Variants in ARHGAP32 observed in about 807,000 individuals in gnomAD.
The protein encoded by ARHGAP32 is rho GTPase-activating protein 32.
ARHGAP32 carries 51 observed loss-of-function variants against 186.5 expected under a neutral mutation model. That is an observed-to-expected ratio of 0.27 (90% CI 0.22 to 0.35). The LOEUF (loss-of-function observed/expected upper bound fraction) is 0.35, where lower values mean the gene tolerates loss of function less well. Ranked by LOEUF, ARHGAP32 falls within the 10% of genes least tolerant of loss-of-function variation. The probability of loss-of-function intolerance (pLI) is 1.00; values close to 1 mark genes in which losing one functional copy is unlikely to be tolerated. For missense variants in ARHGAP32, 2,186 were observed against 2,623.5 expected (o/e 0.83, Z 3.64); for synonymous variants, 950 against 964.3 (o/e 0.99, Z 0.27).
At chr11:129,090,647 C>T (rs777953380) in intron 6 of ARHGAP32, among the ~76,000 whole-genome samples, 11 of 152,104 alleles carry the variant, frequency 7.2e-5, no homozygotes, top group South Asian at 6.2e-4. Flanking sequence ...TAGAAAAAAA[C>T]GCCCACCACA....
chr11:128,970,044 T>C lies in ARHGAP32; in HGVS notation c.5169A>G (p.Pro1723=), dbSNP rs1160288009. 3 of 1,614,162 alleles carry C rather than the reference T, an allele frequency of 1.9e-6. No homozygotes were observed. The highest frequency in any genetic ancestry group is 2.5e-6 in the Non-Finnish European group (3 of 1,180,042). The change falls in exon 23 of 23, where the codon CCA becomes CCG. Residue 1723 remains proline, a synonymous_variant. Transcript: ENST00000682385. The surrounding 1 kb of genome is among the most constrained non-coding windows in gnomAD (Gnocchi z 5.8). ...AGCCAGTCACGTTGGCCCGGGGACG[T>C]GGAGCCAAACCAGCATAACTGTACA... The part of the protein sequence containing the change: ...KSLYSYAGLA[P]RPRANVTGYF...
In ARHGAP32 at chr11:128,975,622, CAG is replaced by C. The variant is rs752473916; in HGVS notation, c.2195-622_2195-621del. On this transcript the variant is annotated intron_variant, in intron 20 of 22. Transcript: ENST00000682385. ...TTTCCCAAGCAGTCTTCAAGAGTGG[CAG>C]AGAGTATTACATAATTTTACGATGT... is the stretch of plus-strand genomic sequence containing the variant. Among the ~76,000 whole-genome samples the C allele has an allele frequency of 1.2e-4, 18 of 152,108 alleles. No homozygotes were observed. The East Asian group carries it at 1.7e-3, about 15-fold the overall frequency.
chr11:129,209,188 T>G lies in ARHGAP32; in HGVS notation c.-4-44761A>C, dbSNP rs150242511. Reference sequence around the variant, plus strand: ...CTCATAACCTATTTAGAGATTTATTTTGATAAACAATTTTAAAAGCAAATT... The same window carrying G: ...CTCATAACCTATTTAGAGATTTATTGTGATAAACAATTTTAAAAGCAAATT... On this transcript the variant is annotated intron_variant, in intron 1 of 6. Coordinates refer to the ARHGAP32 transcript ENST00000525234. Among the ~76,000 whole-genome samples, 636 of 152,284 alleles carry G rather than the reference T, an allele frequency of 4.2e-3. 9 individuals carry two copies. Among genetic ancestry groups the G allele is most frequent in the African/African-American group, 0.014 (596 of 41,570 alleles).
chr11:129,022,663 T>C (rs1279755260), intron 11 of ARHGAP32, among the ~76,000 whole-genome samples: 1 of 152,168 alleles, frequency 6.6e-6, no homozygotes, highest in Non-Finnish European at 1.5e-5. Flanking sequence ...ATAGGAGCTA[T>C]TATTACTACT....
intron 1 of ARHGAP32, among the ~76,000 whole-genome samples, chr11:129,272,140 T>C (rs1187217721): frequency 1.3e-5 from 2 of 151,960 alleles, no homozygotes; most frequent in Admixed American, 6.6e-5. Flanking sequence ...AAAAGGACAA[T>C]AAATGTAAAT....
intron 1 of ARHGAP32, among the ~76,000 whole-genome samples, chr11:129,167,029 G>A (rs1025523250): frequency 2.0e-4 from 30 of 151,826 alleles, no homozygotes; most frequent in African/African-American, 7.3e-4. Context: ...AACACTAGAA[G>A]AACGAGAAAT....
At chr11:129,043,139 T>G (rs1451881490) in intron 10 of ARHGAP32, among the ~76,000 whole-genome samples, 1 of 152,192 alleles carries the variant, frequency 6.6e-6, no homozygotes, top group East Asian at 1.9e-4. Flanking sequence ...ATCTGCCTTG[T>G]TTCAGAATTT....
intron 11 of ARHGAP32, among the ~76,000 whole-genome samples, chr11:129,032,227 C>T (rs1426844229): frequency 2.6e-5 from 4 of 152,190 alleles, no homozygotes; most frequent in East Asian, 1.9e-4. Flanking sequence ...CCCTCTGGGG[C>T]GCCAAGGGTC....
chr11:129,133,396 A>G (rs941340525), intron 2 of ARHGAP32, among the ~76,000 whole-genome samples: 5 of 152,218 alleles, frequency 3.3e-5, no homozygotes, highest in African/African-American at 7.2e-5. Flanking sequence ...TGAAAGATAT[A>G]TATTTACAGA....
chr11:129,165,447 A>AAT, intron 1 of ARHGAP32, among the ~76,000 whole-genome samples: 2 of 151,596 alleles, frequency 1.3e-5, no homozygotes, highest in South Asian at 4.2e-4. Flanking sequence ...AATTCTAACA[A>AAT]AGCCCCAAAC....
intron 1 of ARHGAP32, among the ~76,000 whole-genome samples, chr11:129,251,166 G>C (rs756058493): frequency 3.3e-5 from 5 of 152,208 alleles, no homozygotes; most frequent in African/African-American, 7.2e-5. Context: ...AGGTGCTGAT[G>C]ATGAGGTAAT....
chr11:129,118,823 G>C (rs1942443134), intron 5 of ARHGAP32, among the ~76,000 whole-genome samples: 1 of 151,952 alleles, frequency 6.6e-6, no homozygotes, highest in Admixed American at 6.6e-5. Flanking sequence ...ATAGCACACA[G>C]GTTAACTTCA....
intron 2 of ARHGAP32, among the ~76,000 whole-genome samples, chr11:129,149,545 T>C (rs1943244164): frequency 6.6e-6 from 1 of 152,146 alleles, no homozygotes; most frequent in Non-Finnish European, 1.5e-5. Flanking sequence ...TAAGATTCAC[T>C]GCAGTCCAGC....
At chr11:129,183,768 C>T (rs190414181) in intron 1 of ARHGAP32, among the ~76,000 whole-genome samples, 87 of 148,138 alleles carry the variant, frequency 5.9e-4, no homozygotes, top group African/African-American at 2.3e-3. Flanking sequence ...CTCCTAAGAC[C>T]CACCAAATTG....
At chr11:128,987,084 T>C (rs754065004) in intron 13 of ARHGAP32, among the ~76,000 whole-genome samples, 4 of 152,228 alleles carry the variant, frequency 2.6e-5, no homozygotes, top group Admixed American at 6.5e-5. Context: ...ATACAGATTG[T>C]ACAACACAGA....
In ARHGAP32 at chr11:128,967,506, G is replaced by C. The variant is rs572678499; in HGVS notation, c.*1401C>G. The C allele has an allele frequency of 7.9e-5, 12 of 152,312 alleles. No homozygotes were observed. The highest frequency in any genetic ancestry group is 2.6e-4 in the African/African-American group (11 of 41,556). 9.4% of individuals were successfully genotyped at this position (152,312 alleles called of 1,614,324 possible). A position where few individuals can be genotyped will look rare whatever the true frequency, so the allele number is the denominator to read the frequency against. On this transcript the variant is annotated 3_prime_UTR_variant, in exon 23 of 23. Coordinates refer to ENST00000682385, the MANE Select transcript of ARHGAP32 (RefSeq NM_001378024.1). ...TGCCTTGCTAGTCTGATGTATTTTG[G>C]GGGGTGGAGGGAGCTGAGAACATAG...
chr11:129,204,021 AT>A (rs1310837697), intron 1 of ARHGAP32, among the ~76,000 whole-genome samples: 1 of 148,104 alleles, frequency 6.8e-6, no homozygotes, highest in Non-Finnish European at 1.5e-5. Flanking sequence ...ACTATATAAA[AT>A]ATATAATTAC....
chr11:129,181,397 G>A (rs1944051526), intron 1 of ARHGAP32, among the ~76,000 whole-genome samples: 1 of 152,064 alleles, frequency 6.6e-6, no homozygotes, highest in South Asian at 2.1e-4. Flanking sequence ...TCAGTTTGGT[G>A]TTCTCTATTC....
At chr11:129,158,226 T>C (rs1198766781) in intron 2 of ARHGAP32, among the ~76,000 whole-genome samples, 1 of 151,972 alleles carries the variant, frequency 6.6e-6, no homozygotes, top group African/African-American at 2.4e-5. Flanking sequence ...CACATAACAA[T>C]ATTAACCTTA....
Sources: gnomAD v4.1 joint callset for allele counts (sites outside exome capture counted in the v4.1 genomes callset) on GRCh38, gnomAD v4.1.1 for gene constraint, Gnocchi (gnomAD v3.1) non-coding constraint, MANE v1.5 for transcripts, NCBI Gene and HGNC (gene_info 2026-07-23, HGNC 2026-07-21) for gene names.